Variants in CEP85L observed in about 807,000 individuals in gnomAD.
CEP85L encodes centrosomal protein 85L, also known as centrosomal protein of 85 kDa-like.
Under a neutral mutation model 100.3 loss-of-function variants are expected in CEP85L, and 60 were observed. That is an observed-to-expected ratio of 0.60 (90% CI 0.49 to 0.74). The LOEUF is 0.74. Among genes scored for constraint, CEP85L ranks in the 30% least tolerant of loss-of-function variants. The pLI, the probability that CEP85L is intolerant of heterozygous loss-of-function variation, is 0.00. For synonymous variants in CEP85L, 319 were observed against 322.7 expected, an observed-to-expected ratio of 0.99 and a Z score of 0.12; for missense variants, 973 against 936.2, an observed-to-expected ratio of 1.04 and a Z score of -0.51.
At chr6:118,517,640 G>A (rs1776359259) in intron 4 of CEP85L, among the ~76,000 whole-genome samples, 1 of 152,224 alleles carries the variant, frequency 6.6e-6, no homozygotes, top group Non-Finnish European at 1.5e-5. Flanking sequence ...ATTTTGGGCT[G>A]AGACGACGCA....
chr6:118,495,124 G>GAAA (rs891190530), intron 5 of CEP85L, among the ~76,000 whole-genome samples: 9 of 140,402 alleles, frequency 6.4e-5, no homozygotes, highest in African/African-American at 1.0e-4. Flanking sequence ...CTGAAAAAGA[G>GAAA]AAAAAAAAAA....
rs1371712027 is a variant in CEP85L at position 118,570,648 on chromosome 6, G to A, written c.233-4332C>T. 2.6e-5 allele frequency among the ~76,000 whole-genome samples: 4 copies of A among 152,276 alleles called. No individual in the cohort carries two copies. The East Asian group carries it at 7.7e-4, about 29-fold the overall frequency. On this transcript the variant is annotated intron_variant, in intron 2 of 12. Coordinates refer to ENST00000368491, the MANE Select transcript of CEP85L (RefSeq NM_001042475.3). ...TAAAAAAAGTTGCCTGAGAGCTGGT[G>A]CCCTACTCCAAGAGATTATGATCCA...
intron 10 of CEP85L, among the ~76,000 whole-genome samples, chr6:118,478,881 T>C (rs528698016): frequency 6.6e-6 from 1 of 152,280 alleles, no homozygotes; most frequent in African/African-American, 2.4e-5. Context: ...ACTGAACACC[T>C]ATAATGTGAC....
At chr6:118,680,989 C>T (rs963443004) in intron 1 of CEP85L, among the ~76,000 whole-genome samples, 1 of 152,112 alleles carries the variant, frequency 6.6e-6, no homozygotes, top group African/African-American at 2.4e-5. Flanking sequence ...TGAAACGGAA[C>T]TTGGTTTTGA....
At chr6:118,533,568 C>T (rs540029112) in intron 3 of CEP85L, among the ~76,000 whole-genome samples, 20 of 151,952 alleles carry the variant, frequency 1.3e-4, no homozygotes, top group African/African-American at 3.6e-4. Flanking sequence ...AACTCAGAGG[C>T]GGAAAAAAAA....
chr6:118,462,639 T>G lies in CEP85L; in HGVS notation c.*2766A>C, dbSNP rs533639273. The G allele has an allele frequency of 1.3e-5, 2 of 152,102 alleles. No individual in the cohort carries two copies. Among genetic ancestry groups the G allele is most frequent in the South Asian group, 2.1e-4 (1 of 4,828 alleles). The allele number at this position is 152,102 out of a possible 1,614,324, so 9.4% of individuals were successfully genotyped here. ...ATTTTCAAATAGATTCACTTTAAAA[T>G]TTAGGTTAATTTTCATTTCAGGAAT... On this transcript the variant is annotated 3_prime_UTR_variant, in exon 13 of 13. Coordinates refer to ENST00000368491, the MANE Select transcript of CEP85L (RefSeq NM_001042475.3).
chr6:118,627,309 T>C (rs1466711314), intron 2 of CEP85L, among the ~76,000 whole-genome samples: 1 of 151,236 alleles, frequency 6.6e-6, no homozygotes, highest in Non-Finnish European at 1.5e-5. Flanking sequence ...AATAAGCATA[T>C]GAAAAACTGG....
At chr6:118,581,581 C>T (rs371889040) in intron 2 of CEP85L, among the ~76,000 whole-genome samples, 4 of 151,982 alleles carry the variant, frequency 2.6e-5, no homozygotes, top group African/African-American at 2.4e-5. Flanking sequence ...CAGCCACAGG[C>T]GGCACATTTA....
intron 2 of CEP85L, among the ~76,000 whole-genome samples, chr6:118,575,005 G>A (rs1050903237): frequency 6.6e-6 from 1 of 152,128 alleles, no homozygotes; most frequent in African/African-American, 2.4e-5. Context: ...AGCCTCTAGG[G>A]AAAAGGTGCA....
chr6:118,557,092 T>C (rs2114958919), intron 3 of CEP85L, among the ~76,000 whole-genome samples: 1 of 152,316 alleles, frequency 6.6e-6, no homozygotes, highest in Admixed American at 6.5e-5. Context: ...CAGTCTTCAG[T>C]ACTTAACATC....
rs550462305 is a variant in CEP85L, at chr6:118,491,872, G to C, written c.1258-7C>G. The C allele has an allele frequency of 3.8e-6, 6 of 1,566,910 alleles. No individual in the cohort carries two copies. In the South Asian group the frequency reaches 6.0e-5, roughly 16 times the overall value. ...AAGTGTTCTCATATTGTGGCTGTTAGGAAAGAAAAAAAGGAGGTAAGACTT... is the reference window on the plus strand; with the variant it reads ...AAGTGTTCTCATATTGTGGCTGTTACGAAAGAAAAAAAGGAGGTAAGACTT... On this transcript the variant is annotated splice_polypyrimidine_tract_variant and splice_region_variant and intron_variant, in intron 5 of 12. Transcript: ENST00000368491.
intron 1 of CEP85L, among the ~76,000 whole-genome samples, chr6:118,706,690 C>T (rs543512192): frequency 1.2e-4 from 19 of 152,298 alleles, no homozygotes; most frequent in Middle Eastern, 3.4e-3. Context: ...TATCAGGAAA[C>T]GCCACCATGT....
At chr6:118,661,864 C>T (rs1163048953) in intron 1 of CEP85L, among the ~76,000 whole-genome samples, 1 of 152,198 alleles carries the variant, frequency 6.6e-6, no homozygotes, top group Non-Finnish European at 1.5e-5. Flanking sequence ...AAAGCCACCT[C>T]ATAAACCAAT....
At chr6:118,692,175 A>C (rs1777065621) in intron 1 of CEP85L, among the ~76,000 whole-genome samples, 1 of 152,154 alleles carries the variant, frequency 6.6e-6, no homozygotes, top group Admixed American at 6.5e-5. Context: ...AGACCTCAAG[A>C]AAGGAAGGAA....
At chr6:118,537,703 G>T (rs1777672459) in intron 3 of CEP85L, 8 of 985,230 alleles carry the variant, frequency 8.1e-6, no homozygotes, top group Admixed American at 1.2e-4. Flanking sequence ...GCTGAAAATA[G>T]TTCAAAATTC....
At chr6:118,593,945 G>A (rs2115135086) in intron 2 of CEP85L, among the ~76,000 whole-genome samples, 1 of 152,156 alleles carries the variant, frequency 6.6e-6, no homozygotes, top group South Asian at 2.1e-4. Context: ...TACCTTGCTG[G>A]TTCCTACTCA....
At chr6:118,682,444 G>A (rs1252597706) in intron 1 of CEP85L, among the ~76,000 whole-genome samples, 2 of 151,948 alleles carry the variant, frequency 1.3e-5, no homozygotes. Context: ...CTTTATTTAA[G>A]TACCCGAGTG....
At chr6:118,511,090 A>G (rs780170420) in intron 5 of CEP85L, among the ~76,000 whole-genome samples, 1 of 152,198 alleles carries the variant, frequency 6.6e-6, no homozygotes, top group Admixed American at 6.5e-5. Context: ...AACTGACAAC[A>G]GTAGTTCCTG....
intron 6 of CEP85L, among the ~76,000 whole-genome samples, chr6:118,486,399 T>C (rs1316164152): frequency 5.3e-5 from 8 of 152,218 alleles, no homozygotes; most frequent in Non-Finnish European, 7.3e-5. Flanking sequence ...ACATGTTTTA[T>C]AAGAAGTTCA....
Sources: allele counts gnomAD v4.1 joint callset (sites outside exome capture counted in the v4.1 genomes callset), GRCh38; gene constraint gnomAD v4.1.1; transcripts MANE v1.5; gene names NCBI Gene and HGNC (gene_info 2026-07-23, HGNC 2026-07-21).